Variants in NELFB observed in about 807,000 individuals in gnomAD.
NELFB encodes the protein negative elongation factor B.
NELFB carries 34 observed loss-of-function variants against 60.2 expected under a neutral mutation model. That is an observed-to-expected ratio of 0.56 (90% CI 0.43 to 0.75). The LOEUF (loss-of-function observed/expected upper bound fraction) is 0.75, where lower values mean the gene tolerates loss of function less well. NELFB is among the 30% of genes least tolerant of loss of function. The pLI, the probability that NELFB is intolerant of heterozygous loss-of-function variation, is 0.00. For missense variants in NELFB, 770 were observed against 831.6 expected, an observed-to-expected ratio of 0.93 and a Z score of 0.91; for synonymous variants, 459 against 382.1, an observed-to-expected ratio of 1.20 and a Z score of -2.35.
rs189020711 is a variant in NELFB, at chr9:137,264,659, G to T, written c.1040+302G>T. On this transcript the variant is annotated intron_variant, in intron 6 of 12. Transcript: ENST00000343053. ...TTTTGTATTTTTTAGTAGAGACAGG[G>T]TTTCACCATGTTGGCCAGGCTTGTC... Among the ~76,000 whole-genome samples the T allele has an allele frequency of 3.6e-3, 543 of 152,248 alleles. 3 individuals carry two copies. Among genetic ancestry groups the T allele is most frequent in the African/African-American group, 0.012 (519 of 41,546 alleles).
In NELFB at chr9:137,272,906, T is replaced by A; in HGVS notation, c.1865T>A (p.Val622Glu). 1 of 1,537,028 alleles carries A rather than the reference T, an allele frequency of 6.5e-7. No individual in the cohort carries two copies. Among genetic ancestry groups the A allele is most frequent in the Non-Finnish European group, 8.8e-7 (1 of 1,139,590 alleles). ...GCCCTGGAGCTGCCCCTCCCCAGCG[T>A]GCCCGCCCCTGCCCCGCTCTGAGGG... Residue 622 changes from valine to glutamate, a missense_variant, in exon 13 of 13, where the codon GTG becomes GAG. By Grantham distance (121) the Val-to-Glu change is moderately radical. Transcript: ENST00000343053.
intron 3 of NELFB, 34 bp downstream of exon 3, chr9:137,256,462 C>A: frequency 6.3e-7 from 1 of 1,580,940 alleles, no homozygotes; most frequent in Non-Finnish European, 8.7e-7. Flanking sequence ...ATGGCGTGGA[C>A]CGTCCGCCCA....
intron 10 of NELFB, among the ~76,000 whole-genome samples, chr9:137,270,960 C>G (rs1161737330): frequency 1.3e-5 from 2 of 152,266 alleles, no homozygotes; most frequent in East Asian, 1.9e-4. Flanking sequence ...GGGCCACTGT[C>G]ACATCTGAGC....
chr9:137,264,860 C>A (rs559580354), intron 6 of NELFB, among the ~76,000 whole-genome samples: 4 of 152,230 alleles, frequency 2.6e-5, no homozygotes, highest in African/African-American at 7.2e-5. Context: ...AAGTCTCCCT[C>A]CTCAACTCTG....
chr9:137,272,413 C>G, intron 11 of NELFB, 94 bp from the exon 12 acceptor site: 1 of 1,455,854 alleles, frequency 6.9e-7, no homozygotes, highest in Non-Finnish European at 9.3e-7. Context: ...TGGCCATGTC[C>G]TGTCTCCAGG....
In NELFB at chr9:137,266,333, C is replaced by G; in HGVS notation, c.1146C>G (p.Asp382Glu). 2 of 1,612,546 alleles carry G rather than the reference C, an allele frequency of 1.2e-6. No homozygotes were observed. The highest frequency in any genetic ancestry group is 1.7e-6 in the Non-Finnish European group (2 of 1,179,798). Residue 382 changes from aspartate (D) to glutamate (E), a missense_variant and splice_region_variant, in exon 8 of 13, where the codon GAC becomes GAG. Coordinates refer to ENST00000343053, the MANE Select transcript of NELFB (RefSeq NM_015456.5). The stretch of plus-strand genomic sequence containing the variant: ...CGCTGAGCCCGTCCTCCCTACAGGA[C>G]AGCCCCGACCTCCTGCTGCTGCTCC...
Position 137,265,931 on chromosome 9 carries a change from C to T in NELFB, c.1095C>T (p.Ser365=), listed in dbSNP as rs11555840. ...TCGCCATCAACACGCTGGCACTGAG[C>T]ACAGTCAGGCACCTGCAGGAGCTGG... Residue 365 remains serine (S), a synonymous_variant, in exon 7 of 13, where the codon AGC becomes AGT. Coordinates refer to ENST00000343053, the MANE Select transcript of NELFB (RefSeq NM_015456.5). 1.5e-5 allele frequency: 25 copies of T among 1,613,064 alleles called. No individual in the cohort carries two copies. The highest frequency in any genetic ancestry group is 2.7e-5 in the African/African-American group (2 of 74,942).
At position 137,269,740 on chromosome 9, in the gene NELFB, G is replaced by C. The variant is rs563375007; in HGVS notation, c.1490-2341G>C. ...ATTTGTGTCAGTCACTGTGGAGTTC[G>C]CACAATGACAGACTCACCTGGGAGG... On this transcript the variant is annotated intron_variant, in intron 10 of 12. Transcript: ENST00000343053. This position sits in a 1 kb window ranked among gnomAD's most constrained non-coding sequence, Gnocchi z 5.3. Among the ~76,000 whole-genome samples, 1 of 152,328 alleles carries C rather than the reference G, an allele frequency of 6.6e-6. No homozygotes were observed. Among genetic ancestry groups the C allele is most frequent in the Non-Finnish European group, 1.5e-5 (1 of 68,032 alleles).
At chr9:137,272,273 C>T (rs753346212) in intron 11 of NELFB, 51 bp downstream of exon 11, 20 of 1,601,504 alleles carry the variant, frequency 1.2e-5, no homozygotes, top group Admixed American at 1.0e-4. Context: ...AGCTCTTGTC[C>T]GTAGCAGCCT....
chr9:137,265,773 C>T (rs188238782), intron 6 of NELFB, 104 bp from the exon 7 acceptor site: 85 of 756,368 alleles, frequency 1.1e-4, no homozygotes, highest in Non-Finnish European at 1.7e-4. Flanking sequence ...GATGGGCACC[C>T]GCTGCCAGTC....
rs1830471392 is a variant in NELFB, at chr9:137,263,022, T to C, written c.742-15T>C. 6.8e-6 allele frequency: 11 copies of C among 1,607,976 alleles called. No homozygotes were observed. The East Asian group carries it at 2.5e-4, about 36-fold the overall frequency. On this transcript the variant is annotated splice_polypyrimidine_tract_variant and intron_variant, in intron 4 of 12. Coordinates refer to ENST00000343053, the MANE Select transcript of NELFB (RefSeq NM_015456.5). ...CCAGGACGGTCTGGGGGCCTGACAG[T>C]GCCTCTTGCTGCAGGTGGTGCAGCG...
chr9:137,265,184 C>T (rs933565274), intron 6 of NELFB, among the ~76,000 whole-genome samples: 6 of 151,272 alleles, frequency 4.0e-5, no homozygotes, highest in East Asian at 1.9e-4. Context: ...TGCGCCTGGC[C>T]GATTTTTGTT....
Position 137,264,250 on chromosome 9 carries a change from C to T in NELFB, c.933C>T (p.Thr311=), listed in dbSNP as rs766552368. Reference sequence around the variant, plus strand: ...ACCGTGCTTCCTCCTTGCAGTTCACCTGGTGCCTGGACGCCTGCATCCGAG... The same window carrying T: ...ACCGTGCTTCCTCCTTGCAGTTCACTTGGTGCCTGGACGCCTGCATCCGAG... The change falls in exon 6 of 13, where the codon ACC becomes ACT. Residue 311 remains threonine, a synonymous_variant. Transcript: ENST00000343053. The T allele has an allele frequency of 1.2e-4, 193 of 1,587,594 alleles. No individual in the cohort carries two copies. In the Admixed American group the frequency reaches 3.4e-3, roughly 28 times the overall value.
At position 137,259,305 on chromosome 9, in the gene NELFB, C is replaced by T. The variant is rs191696549; in HGVS notation, c.741+2251C>T. ...CCCATCTGAACTACTGCACTTCAAA[C>T]GCTGAGCAGTTAGTGTGGCTCTGGG... On this transcript the variant is annotated intron_variant, in intron 4 of 12. Coordinates refer to ENST00000343053, the MANE Select transcript of NELFB (RefSeq NM_015456.5). Among the ~76,000 whole-genome samples, 9 of 152,346 alleles carry T rather than the reference C, an allele frequency of 5.9e-5. No individual in the cohort carries two copies. The East Asian group carries it at 1.7e-3, about 29-fold the overall frequency.
intron 3 of NELFB, 116 bp from the exon 4 acceptor site, chr9:137,256,708 C>T: frequency 1.1e-6 from 1 of 930,122 alleles, no homozygotes; most frequent in South Asian, 1.6e-5. Flanking sequence ...CATAGGTGCC[C>T]TGTGGGGTGG....
At chr9:137,260,117 TC>T (rs1284127969) in intron 4 of NELFB, among the ~76,000 whole-genome samples, 1 of 150,780 alleles carries the variant, frequency 6.6e-6, no homozygotes, top group Non-Finnish European at 1.5e-5. Flanking sequence ...TGGTGCAATC[TC>T]GGCTCACTGC....
intron 6 of NELFB, 139 bp from the exon 7 acceptor site, chr9:137,265,738 G>T: frequency 1.6e-6 from 1 of 642,880 alleles, no homozygotes; most frequent in Non-Finnish European, 2.9e-6. Flanking sequence ...CCATCCTTAA[G>T]CTTTTTGTAA....
chr9:137,255,878 G>C, intron 1 of NELFB, 29 bp from the exon 2 acceptor site: 1 of 1,609,938 alleles, frequency 6.2e-7, no homozygotes, highest in Non-Finnish European at 8.5e-7. Context: ...GCACTGGGCT[G>C]CGTTTGAGGT....
rs760983547 is a variant in NELFB, at chr9:137,265,907, C to T, written c.1071C>T (p.Phe357=). Residue 357 remains phenylalanine (F), a synonymous_variant, in exon 7 of 13, where the codon TTC becomes TTT. Coordinates refer to ENST00000343053, the MANE Select transcript of NELFB (RefSeq NM_015456.5). Reference sequence around the variant, plus strand: ...TGTCCATGATCCTGTGTGACCCCTTCGCCATCAACACGCTGGCACTGAGCA... The same window carrying T: ...TGTCCATGATCCTGTGTGACCCCTTTGCCATCAACACGCTGGCACTGAGCA... 7 of 1,612,988 alleles carry T rather than the reference C, an allele frequency of 4.3e-6. No individual in the cohort carries two copies. Among genetic ancestry groups the T allele is most frequent in the South Asian group, 2.2e-5 (2 of 91,084 alleles).
Sources: allele counts gnomAD v4.1 joint callset (sites outside exome capture counted in the v4.1 genomes callset), GRCh38; gene constraint gnomAD v4.1.1; non-coding constraint Gnocchi (gnomAD v3.1); transcripts MANE v1.5; gene names NCBI Gene and HGNC (gene_info 2026-07-23, HGNC 2026-07-21).